The following FNDC3B variants were observed in gnomAD, a reference collection of about 807,000 sequenced individuals.
FNDC3B encodes the protein fibronectin type III domain containing 3B.
FNDC3B carries 12 observed loss-of-function variants against 151.5 expected under a neutral mutation model. The ratio of observed to expected loss-of-function variants is 0.08; its 90% CI spans 0.05 to 0.13. The LOEUF is 0.13. FNDC3B is among the 10% of genes least tolerant of loss of function. The pLI, the probability that FNDC3B is intolerant of heterozygous loss-of-function variation, is 1.00. For missense variants in FNDC3B, 1,214 were observed against 1,505.3 expected (o/e 0.81, Z 3.20); for synonymous variants, 528 against 549.0 (o/e 0.96, Z 0.54).
intron 5 of FNDC3B, among the ~76,000 whole-genome samples, chr3:172,250,477 T>C (rs1728007943): frequency 6.6e-6 from 1 of 152,256 alleles, no homozygotes; most frequent in Non-Finnish European, 1.5e-5. Flanking sequence ...AAACTTTGAC[T>C]GCAATATACT....
chr3:172,220,944 ATCT>A (rs1258173152), intron 3 of FNDC3B, among the ~76,000 whole-genome samples: 3 of 152,092 alleles, frequency 2.0e-5, no homozygotes, highest in African/African-American at 7.2e-5. Flanking sequence ...AAATAAATAA[ATCT>A]TCTTTTTCAT....
intron 3 of FNDC3B, among the ~76,000 whole-genome samples, chr3:172,164,441 C>T (rs1329731805): frequency 6.6e-6 from 1 of 152,068 alleles, no homozygotes; most frequent in Non-Finnish European, 1.5e-5. Flanking sequence ...TGTGTGTGTG[C>T]ATGAGTGTGT....
chr3:172,068,124 C>T (rs1245482279), intron 1 of FNDC3B, among the ~76,000 whole-genome samples: 1 of 152,166 alleles, frequency 6.6e-6, no homozygotes, highest in Non-Finnish European at 1.5e-5. Context: ...TCAGGGGATT[C>T]TATTTTGTCT....
intron 1 of FNDC3B, among the ~76,000 whole-genome samples, chr3:172,064,458 G>C (rs1440320337): frequency 1.3e-5 from 2 of 152,198 alleles, no homozygotes; most frequent in Non-Finnish European, 2.9e-5. Flanking sequence ...GCCAGCTACT[G>C]TTTACTCATC....
chr3:172,194,433 G>T lies in FNDC3B; in HGVS notation c.188-32438G>T, dbSNP rs545618426. Among the ~76,000 whole-genome samples, 3 of 152,278 alleles carry T rather than the reference G, an allele frequency of 2.0e-5. No homozygotes were observed. The South Asian group carries it at 6.2e-4, about 32-fold the overall frequency. ...GACATGTTTTTGTTTTTGGTTATTT[G>T]CCATTTAAATGGATTTTAAAATCCT... On this transcript the variant is annotated intron_variant, in intron 3 of 25. Coordinates refer to ENST00000415807, the MANE Select transcript of FNDC3B (RefSeq NM_022763.4).
chr3:172,061,026 T>G (rs945186210), intron 1 of FNDC3B, among the ~76,000 whole-genome samples: 3 of 152,138 alleles, frequency 2.0e-5, no homozygotes, highest in Non-Finnish European at 4.4e-5. Flanking sequence ...TTGAGGAAAA[T>G]GAAGGCAGTG....
At chr3:172,307,185 G>A (rs1384174074) in intron 9 of FNDC3B, 178 bp from the exon 10 acceptor site, 9 of 609,962 alleles carry the variant, frequency 1.5e-5, no homozygotes, top group Non-Finnish European at 2.6e-5. Context: ...TGGGATGACT[G>A]TCCCCTGTTA....
chr3:172,180,117 C>A (rs914480096), intron 3 of FNDC3B, among the ~76,000 whole-genome samples: 1 of 152,150 alleles, frequency 6.6e-6, no homozygotes, highest in African/African-American at 2.4e-5. Context: ...AGTGGGGTCA[C>A]TGGCAAAGCA....
intron 3 of FNDC3B, among the ~76,000 whole-genome samples, chr3:172,212,223 G>C (rs1303499831): frequency 6.6e-6 from 1 of 152,148 alleles, no homozygotes; most frequent in Admixed American, 6.5e-5. Context: ...CCATTAATAG[G>C]ATAAAGTTTA....
At chr3:172,257,297 T>C (rs1326937591) in intron 6 of FNDC3B, among the ~76,000 whole-genome samples, 1 of 152,054 alleles carries the variant, frequency 6.6e-6, no homozygotes, top group African/African-American at 2.4e-5. Flanking sequence ...ACCCTAAGAG[T>C]GAGGATGTCT....
intron 6 of FNDC3B, among the ~76,000 whole-genome samples, chr3:172,260,155 G>T (rs1728573127): frequency 6.6e-6 from 1 of 152,194 alleles, no homozygotes; most frequent in African/African-American, 2.4e-5. Context: ...TTAAACAGCA[G>T]GTATAAGTGA....
chr3:172,347,722 G>A lies in FNDC3B; in HGVS notation c.2514+361G>A, dbSNP rs141237346. On this transcript the variant is annotated intron_variant, in intron 21 of 25. Transcript: ENST00000415807. The stretch of plus-strand genomic sequence containing the variant: ...TTCCCCTGAGATGTACATTTCAGTG[G>A]GAAAGACTCTTAGAACTGGTAAAAG... 4.9e-4 allele frequency among the ~76,000 whole-genome samples: 74 copies of A among 152,254 alleles called. No homozygotes were observed. The East Asian group carries it at 0.012, about 24-fold the overall frequency.
At chr3:172,374,541 C>T (rs570013209) in intron 23 of FNDC3B, among the ~76,000 whole-genome samples, 6 of 152,082 alleles carry the variant, frequency 3.9e-5, no homozygotes, top group Admixed American at 6.5e-5. Context: ...ACTACAGGCA[C>T]GCATCACCAC....
chr3:172,290,579 G>C (rs1458712244), intron 7 of FNDC3B, among the ~76,000 whole-genome samples: 1 of 152,186 alleles, frequency 6.6e-6, no homozygotes, highest in Admixed American at 6.5e-5. Context: ...ACCTGGAATT[G>C]TGGTTCTGCA....
intron 23 of FNDC3B, among the ~76,000 whole-genome samples, chr3:172,366,169 T>C (rs548333957): frequency 7.9e-5 from 12 of 152,370 alleles, no homozygotes; most frequent in African/African-American, 2.9e-4. Context: ...GTTCTGCAAC[T>C]ATGATGCACT....
chr3:172,092,259 C>CT (rs1718873853), intron 1 of FNDC3B, among the ~76,000 whole-genome samples: 1 of 152,118 alleles, frequency 6.6e-6, no homozygotes, highest in Admixed American at 6.5e-5. Flanking sequence ...GAGATTCAAG[C>CT]TAAACGATTG....
intron 7 of FNDC3B, among the ~76,000 whole-genome samples, chr3:172,292,419 A>G (rs1730390777): frequency 1.3e-5 from 2 of 152,218 alleles, no homozygotes. Context: ...ATGTTATTTT[A>G]GTTGATGCTT....
chr3:172,380,860 C>T, intron 24 of FNDC3B, 106 bp from the exon 25 acceptor site: 1 of 1,315,730 alleles, frequency 7.6e-7, no homozygotes. Flanking sequence ...AGGGCAAACA[C>T]AGGCACAATC....
At chr3:172,111,170 G>A (rs1719945586) in intron 1 of FNDC3B, among the ~76,000 whole-genome samples, 1 of 150,768 alleles carries the variant, frequency 6.6e-6, no homozygotes, top group African/African-American at 2.4e-5. Context: ...TTTCTCTTAT[G>A]CATTATTAGT....
Sources: allele counts gnomAD v4.1 joint callset (sites outside exome capture counted in the v4.1 genomes callset), GRCh38; gene constraint gnomAD v4.1.1; transcripts MANE v1.5; gene names NCBI Gene and HGNC (gene_info 2026-07-23, HGNC 2026-07-21).